FUT9: variants seen among roughly 807,000 people sequenced by gnomAD.
FUT9 encodes the protein fucosyltransferase 9.
FUT9 carries 15 observed loss-of-function variants against 29.7 expected under a neutral mutation model. The observed-to-expected ratio is 0.51, with a 90% CI of 0.34 to 0.78. The LOEUF (loss-of-function observed/expected upper bound fraction) is 0.78, where lower values mean the gene tolerates loss of function less well. Among genes scored for constraint, FUT9 ranks in the 30% least tolerant of loss-of-function variants. The pLI is 0.01. For missense variants in FUT9, 319 were observed against 425.4 expected (o/e 0.75, Z 2.20); for synonymous variants, 169 against 153.7 (o/e 1.10, Z -0.74).
In FUT9 at chr6:96,205,956, C is replaced by A. The variant is rs1212106984; in HGVS notation, c.*1721C>A. On this transcript the variant is annotated 3_prime_UTR_variant, in exon 3 of 3. Transcript: ENST00000302103. ...TTGATTCTCAGGTATATTTCTTAAGCCAAGATTGAATGCAGTGTCAGGCAC... is the reference window on the plus strand; with the variant it reads ...TTGATTCTCAGGTATATTTCTTAAGACAAGATTGAATGCAGTGTCAGGCAC... 6.0e-6 allele frequency: 1 copy of A among 166,894 alleles called. No homozygotes were observed. The highest frequency in any genetic ancestry group is 1.5e-5 in the Non-Finnish European group (1 of 68,094). The allele number at this position is 166,894 out of a possible 1,614,324, so 10.3% of individuals were successfully genotyped here.
intron 2 of FUT9, among the ~76,000 whole-genome samples, chr6:96,198,777 C>A (rs1404253224): frequency 6.6e-6 from 1 of 152,126 alleles, no homozygotes; most frequent in Non-Finnish European, 1.5e-5. Context: ...TCTCCAGCAC[C>A]TGTTGTTTCC....
At chr6:96,131,769 AT>A (rs1339867080) in intron 2 of FUT9, among the ~76,000 whole-genome samples, 1 of 152,142 alleles carries the variant, frequency 6.6e-6, no homozygotes. Flanking sequence ...CAAAAGAAGT[AT>A]CCTTTTTTTC....
chr6:96,099,284 T>C (rs143250938), intron 1 of FUT9, among the ~76,000 whole-genome samples: 1 of 152,272 alleles, frequency 6.6e-6, no homozygotes, highest in East Asian at 1.9e-4. Flanking sequence ...TTTAACTTTA[T>C]GCACATATGG....
intron 1 of FUT9, among the ~76,000 whole-genome samples, chr6:96,046,549 T>C (rs919263412): frequency 6.6e-5 from 10 of 152,224 alleles, no homozygotes; most frequent in Admixed American, 2.6e-4. Flanking sequence ...CAAAGAAGCT[T>C]GGACTTACCA....
At chr6:96,046,472 G>A (rs146159019) in intron 1 of FUT9, among the ~76,000 whole-genome samples, 1 of 152,148 alleles carries the variant, frequency 6.6e-6, no homozygotes, top group Non-Finnish European at 1.5e-5. Context: ...GCCTTAAACT[G>A]TCCATTCAGA....
At chr6:96,137,565 C>T (rs918561526) in intron 2 of FUT9, among the ~76,000 whole-genome samples, 1 of 151,932 alleles carries the variant, frequency 6.6e-6, no homozygotes, top group Non-Finnish European at 1.5e-5. Flanking sequence ...TAAACATTGC[C>T]TCAGCAAGGT....
chr6:96,073,776 A>C (rs946086741), intron 1 of FUT9, among the ~76,000 whole-genome samples: 3 of 152,112 alleles, frequency 2.0e-5, no homozygotes, highest in Non-Finnish European at 4.4e-5. Flanking sequence ...CTCCTTATAA[A>C]TTGTTCTATA....
At chr6:96,168,453 G>A (rs1279680919) in intron 2 of FUT9, among the ~76,000 whole-genome samples, 1 of 152,182 alleles carries the variant, frequency 6.6e-6, no homozygotes, top group Non-Finnish European at 1.5e-5. Flanking sequence ...AGAGAAGGTG[G>A]CATCTTGACC....
chr6:96,199,217 A>G (rs1169835600), intron 2 of FUT9, among the ~76,000 whole-genome samples: 3 of 152,294 alleles, frequency 2.0e-5, no homozygotes, highest in East Asian at 1.9e-4. Flanking sequence ...TAAAATAGGT[A>G]GTATTGATTA....
chr6:96,163,915 C>T (rs773620352), intron 2 of FUT9, among the ~76,000 whole-genome samples: 2 of 152,114 alleles, frequency 1.3e-5, no homozygotes, highest in Non-Finnish European at 2.9e-5. Context: ...AGACAAATCT[C>T]GATCAATTTA....
At chr6:96,096,864 T>C (rs1771504094) in intron 1 of FUT9, among the ~76,000 whole-genome samples, 2 of 152,098 alleles carry the variant, frequency 1.3e-5, no homozygotes. Context: ...TATTCGTTTC[T>C]TGTTTTTTCA....
At chr6:96,081,380 G>A (rs1461391569) in intron 1 of FUT9, among the ~76,000 whole-genome samples, 2 of 151,626 alleles carry the variant, frequency 1.3e-5, no homozygotes, top group Non-Finnish European at 3.0e-5. Context: ...TTTCTTAAAT[G>A]AAGTAGTATT....
rs58462407 is a variant in FUT9, at chr6:96,106,213, CCCTTCCTT to C, written c.-97-7800_-97-7793del. On this transcript the variant is annotated intron_variant, in intron 1 of 2. Coordinates refer to ENST00000302103, the MANE Select transcript of FUT9 (RefSeq NM_006581.4). ...AAGATAAATCATCACAATCCATCAA[CCCTTCCTT>C]CCTTCCTTCCTTCCTTCCTTCCTTC... is the stretch of plus-strand genomic sequence containing the variant. Among the ~76,000 whole-genome samples, 90 of 137,250 alleles carry C rather than the reference CCCTTCCTT, an allele frequency of 6.6e-4. No individual in the cohort carries two copies. In the Middle Eastern group the frequency reaches 0.011, roughly 16 times the overall value. The allele number at this position is 137,250 out of a possible 152,430, so 90.0% of individuals were successfully genotyped here.
At chr6:96,033,187 A>G (rs1224115907) in intron 1 of FUT9, among the ~76,000 whole-genome samples, 1 of 151,686 alleles carries the variant, frequency 6.6e-6, no homozygotes, top group Non-Finnish European at 1.5e-5. Flanking sequence ...AAATATTAAA[A>G]GCTTATTTGT....
At chr6:96,167,610 A>C (rs1260461990) in intron 2 of FUT9, among the ~76,000 whole-genome samples, 1 of 152,216 alleles carries the variant, frequency 6.6e-6, no homozygotes, top group Non-Finnish European at 1.5e-5. Context: ...GTCCTCTTGT[A>C]GTTTCTATTT....
intron 2 of FUT9, among the ~76,000 whole-genome samples, chr6:96,124,398 C>T (rs966967024): frequency 6.6e-6 from 1 of 152,072 alleles, no homozygotes; most frequent in Non-Finnish European, 1.5e-5. Context: ...GATCAGCCCA[C>T]CTCGGCCTCC....
In FUT9 at chr6:96,088,569, CGT is replaced by C. The variant is rs1305174671; in HGVS notation, c.-97-25468_-97-25467del. Among the ~76,000 whole-genome samples the C allele has an allele frequency of 4.8e-3, 682 of 141,712 alleles. 7 individuals carry two copies. Among genetic ancestry groups the C allele is most frequent in the African/African-American group, 0.018 (658 of 35,714 alleles). 93.0% of individuals were successfully genotyped at this position (141,712 alleles called of 152,430 possible). On this transcript the variant is annotated intron_variant, in intron 1 of 2. Transcript: ENST00000302103. Reference sequence around the variant, plus strand: ...GTGTGTGTGTGTGTGTGTGTGTGTGCGTGCGCGCGCGTGCTCCATATTGGATA... The same window carrying C: ...GTGTGTGTGTGTGTGTGTGTGTGTGCGCGCGCGCGTGCTCCATATTGGATA...
intron 2 of FUT9, among the ~76,000 whole-genome samples, chr6:96,189,792 A>G (rs1303877988): frequency 6.6e-6 from 1 of 151,898 alleles, no homozygotes; most frequent in Non-Finnish European, 1.5e-5. Flanking sequence ...TTTTGAGCCT[A>G]TGTGTGTCTC....
At chr6:96,059,530 T>C (rs770434319) in intron 1 of FUT9, among the ~76,000 whole-genome samples, 1 of 152,172 alleles carries the variant, frequency 6.6e-6, no homozygotes, top group Admixed American at 6.5e-5. Context: ...ATAACTGATA[T>C]GTATGGTGGA....
Sources: allele counts gnomAD v4.1 joint callset (sites outside exome capture counted in the v4.1 genomes callset), GRCh38; gene constraint gnomAD v4.1.1; transcripts MANE v1.5; gene names NCBI Gene and HGNC (gene_info 2026-07-23, HGNC 2026-07-21).